Variants in DRC7 observed in about 807,000 individuals in gnomAD.
The protein encoded by DRC7 is dynein regulatory complex subunit 7.
In DRC7, 80 loss-of-function variants were observed where a neutral mutation model predicts 104.4. The ratio of observed to expected loss-of-function variants is 0.77; its 90% CI spans 0.64 to 0.92. The LOEUF (loss-of-function observed/expected upper bound fraction) is 0.92. Among genes scored for constraint, DRC7 ranks in the 40% least tolerant of loss-of-function variants. DRC7 has a pLI of 0.00. For synonymous variants in DRC7, 405 were observed against 447.3 expected (o/e 0.91, Z 1.19); for missense variants, 1,034 against 1,141.1 (o/e 0.91, Z 1.35).
At chr16:57,725,747 A>G (rs377371861) in intron 13 of DRC7, 26 of 311,716 alleles carry the variant, frequency 8.3e-5, no homozygotes, top group African/African-American at 5.5e-4. Context: ...CATGCCAAAG[A>G]AGCTCTTTCT....
chr16:57,724,653 G>C lies in DRC7; in HGVS notation c.1576G>C (p.Val526Leu). ...GTCCATGCAACCTGAGATGGACCGTGTCATTGAGTTTTATGAAACGGCCCG... is the reference window on the plus strand; with the variant it reads ...GTCCATGCAACCTGAGATGGACCGTCTCATTGAGTTTTATGAAACGGCCCG... ...YKSMQPEMDR[V>L]IEFYETARVD... The change falls in exon 13 of 19, where the codon GTC becomes CTC. Residue 526 changes from valine to leucine, a missense_variant. Transcript: ENST00000360716. 6.2e-7 allele frequency: 1 copy of C among 1,613,890 alleles called. No individual in the cohort carries two copies. The highest frequency in any genetic ancestry group is 8.5e-7 in the Non-Finnish European group (1 of 1,179,966).
Position 57,727,371 on chromosome 16 carries a change from A to T in DRC7, c.2158A>T (p.Lys720Ter). Reference protein sequence around the residue: ...HTLTISIYDTKRNEKSKEYRE... With the variant: ...HTLTISIYDT ...ACTGACCATCTCCATCTATGACACC[A>T]AGCGGAATGAGAAGAGCAAGGAATA... is the stretch of plus-strand genomic sequence containing the variant. Residue 720 changes from lysine to a stop codon, truncating the protein, a stop_gained, in exon 16 of 19, where the codon AAG becomes TAG. Transcript: ENST00000360716. LOFTEE classifies it high-confidence loss of function. The T allele has an allele frequency of 6.2e-7, 1 of 1,613,398 alleles. No homozygotes were observed. The highest frequency in any genetic ancestry group is 8.5e-7 in the Non-Finnish European group (1 of 1,179,846).
rs115507227 is a variant in DRC7, at chr16:57,731,025, C to G, written c.2486C>G (p.Ser829Cys). 2,851 of 1,613,702 alleles carry G rather than the reference C, an allele frequency of 1.8e-3. 32 individuals are homozygous for G. The African/African-American group carries it at 0.025, about 14-fold the overall frequency. ...EDEDLYLSYC[S>C]QAMFRIRILE... ...GAAGACCTGTACCTGAGTTACTGCT[C>G]TCAGGCCATGTTCCGCATCCGCATC... The change falls in exon 18 of 19, where the codon TCT (serine) becomes TGT (cysteine). Residue 829 changes from serine (S) to cysteine (C), a missense_variant. Coordinates refer to ENST00000360716, the MANE Select transcript of DRC7 (RefSeq NM_001289162.2).
Position 57,694,829 on chromosome 16 carries a change from C to CATCTGT in DRC7, c.-192_-191insATCTGT, listed in dbSNP as rs2048574995. On this transcript the variant is annotated 5_prime_UTR_variant, in exon 1 of 19. Coordinates refer to ENST00000360716, the MANE Select transcript of DRC7 (RefSeq NM_001289162.2). Reference sequence around the variant, plus strand: ...TTGTTACCATGGAGATGGCTAACAGCTAGAGCAGGCTGTCCTCGGAGGGGT... The same window carrying CATCTGT: ...TTGTTACCATGGAGATGGCTAACAGCATCTGTTAGAGCAGGCTGTCCTCGGAGGGGT... 6.6e-6 allele frequency: 1 copy of CATCTGT among 152,146 alleles called. No individual in the cohort carries two copies. Among genetic ancestry groups the CATCTGT allele is most frequent in the Non-Finnish European group, 1.5e-5 (1 of 68,048 alleles). 9.4% of individuals were successfully genotyped at this position (152,146 alleles called of 1,614,324 possible).
chr16:57,721,888 C>G (rs1253946268), intron 10 of DRC7, 149 bp downstream of exon 10: 1 of 614,426 alleles, frequency 1.6e-6, no homozygotes, highest in Admixed American at 2.8e-5. Context: ...CCCTCCCTCC[C>G]TCCCTCCCCC....
chr16:57,707,456 G>T lies in DRC7; in HGVS notation c.859-4G>T, dbSNP rs2048743795. The stretch of plus-strand genomic sequence containing the variant: ...ACTCGTAGTCACCCACCTTTCCTTG[G>T]CAGGAAGCGGAGAAGGCAAAGCCGG... On this transcript the variant is annotated splice_region_variant and splice_polypyrimidine_tract_variant and intron_variant, in intron 7 of 18. Coordinates refer to ENST00000360716, the MANE Select transcript of DRC7 (RefSeq NM_001289162.2). 1 of 1,609,154 alleles carries T rather than the reference G, an allele frequency of 6.2e-7. No homozygotes were observed.
intron 8 of DRC7, among the ~76,000 whole-genome samples, chr16:57,710,241 T>A (rs1194017777): frequency 2.0e-5 from 3 of 152,236 alleles, no homozygotes; most frequent in Non-Finnish European, 4.4e-5. Context: ...TTCTTGCACA[T>A]CTTTTGTCAG....
Position 57,731,580 on chromosome 16 carries a change from T to A in DRC7, c.*322T>A. The A allele has an allele frequency of 5.3e-6, 2 of 380,512 alleles. No individual in the cohort carries two copies. The highest frequency in any genetic ancestry group is 9.7e-6 in the Non-Finnish European group (2 of 205,642). 23.6% of individuals were successfully genotyped at this position (380,512 alleles called of 1,614,324 possible). A position where few individuals can be genotyped will look rare whatever the true frequency, so the allele number is the denominator to read the frequency against. Reference sequence around the variant, plus strand: ...CTTCCTGTCCTTCTCTCCGTTGGAATGTCAGGTCTTCACAGCACCTCTGCA... The same window carrying A: ...CTTCCTGTCCTTCTCTCCGTTGGAAAGTCAGGTCTTCACAGCACCTCTGCA... On this transcript the variant is annotated 3_prime_UTR_variant, in exon 19 of 19. Coordinates refer to ENST00000360716, the MANE Select transcript of DRC7 (RefSeq NM_001289162.2).
chr16:57,725,553 A>T (rs1204465958), intron 13 of DRC7: 1 of 156,706 alleles, frequency 6.4e-6, no homozygotes, highest in East Asian at 1.9e-4. Context: ...AAAAGTAAAC[A>T]TATCTCAGAA....
chr16:57,700,240 C>A lies in DRC7; in HGVS notation c.474C>A (p.Thr158=). 1 of 1,613,974 alleles carries A rather than the reference C, an allele frequency of 6.2e-7. No individual in the cohort carries two copies. Among genetic ancestry groups the A allele is most frequent in the Non-Finnish European group, 8.5e-7 (1 of 1,179,936 alleles). ...SCAQFVSDFL[T]MVPLPDPLKP... ...CCCAGTTTGTCTCCGACTTCCTCAC[C>A]ATGGTGCCCCTGCCTGACCCTCTCA... Residue 158 remains threonine (T), a synonymous_variant, in exon 5 of 19, where the codon ACC becomes ACA. Coordinates refer to ENST00000360716, the MANE Select transcript of DRC7 (RefSeq NM_001289162.2).
At chr16:57,720,475 G>A (rs374890462) in intron 9 of DRC7, among the ~76,000 whole-genome samples, 205 of 152,324 alleles carry the variant, frequency 1.3e-3, no homozygotes, top group African/African-American at 4.4e-3. Flanking sequence ...ACCAGCCAGG[G>A]CCTGAGAGCC....
At position 57,704,879 on chromosome 16, in the gene DRC7, A is replaced by T; in HGVS notation, c.703A>T (p.Ile235Phe). 6.2e-7 allele frequency: 1 copy of T among 1,613,458 alleles called. No homozygotes were observed. Among genetic ancestry groups the T allele is most frequent in the Non-Finnish European group, 8.5e-7 (1 of 1,179,722 alleles). Reference protein sequence around the residue: ...CPLTVKPKETIKKEEKVLPKK... With the variant: ...CPLTVKPKETFKKEEKVLPKK... ...TTCCTCTTCTTTTGGGTGACAGACC[A>T]TCAAGAAGGAGGAAAAGGTGCTGCC... Residue 235 changes from isoleucine to phenylalanine, a missense_variant, in exon 7 of 19, where the codon ATC (isoleucine) becomes TTC (phenylalanine). Coordinates refer to ENST00000360716, the MANE Select transcript of DRC7 (RefSeq NM_001289162.2).
chr16:57,701,849 C>A, intron 5 of DRC7, 87 bp from the exon 6 acceptor site: 3 of 1,231,996 alleles, frequency 2.4e-6, no homozygotes, highest in Non-Finnish European at 3.5e-6. Context: ...TGGCTCCCCA[C>A]CCTGACAGGT....
intron 8 of DRC7, chr16:57,713,965 G>A: frequency 5.0e-6 from 1 of 201,388 alleles, no homozygotes; most frequent in Admixed American, 4.9e-5. Flanking sequence ...GGGAGGTGCA[G>A]GTTGTTCACA....
chr16:57,699,730 C>G (rs2048637175), intron 4 of DRC7, among the ~76,000 whole-genome samples: 1 of 152,096 alleles, frequency 6.6e-6, no homozygotes, highest in African/African-American at 2.4e-5. Flanking sequence ...CCCAGGAACC[C>G]CAGGAAACAG....
chr16:57,706,630 CCTCCCATCCATT>C (rs2048734157), intron 7 of DRC7, among the ~76,000 whole-genome samples: 1 of 112,372 alleles, frequency 8.9e-6, no homozygotes, highest in Non-Finnish European at 1.9e-5. Flanking sequence ...ATCCGTCCAT[CCTCCCATCCATT>C]CTCCCATCCA....
At chr16:57,727,910 T>C (rs1334911382) in intron 16 of DRC7, among the ~76,000 whole-genome samples, 2 of 152,196 alleles carry the variant, frequency 1.3e-5, no homozygotes, top group Non-Finnish European at 2.9e-5. Context: ...AGATGACTGT[T>C]CTCAGATCCC....
intron 1 of DRC7, 45 bp downstream of exon 1, chr16:57,694,897 C>G (rs573252139): frequency 6.6e-6 from 1 of 152,314 alleles, no homozygotes; most frequent in African/African-American, 2.4e-5. Flanking sequence ...CCCTGTCTGG[C>G]AGGGAAAGGG....
chr16:57,698,518 C>CT (rs11076200), intron 3 of DRC7, among the ~76,000 whole-genome samples: 4,567 of 151,856 alleles, frequency 0.03, 216 homozygotes, highest in African/African-American at 0.1. Flanking sequence ...AAGACCCCCC[C>CT]ACCCATGTCT....
Sources: allele counts gnomAD v4.1 joint callset (sites outside exome capture counted in the v4.1 genomes callset), GRCh38; gene constraint gnomAD v4.1.1; transcripts MANE v1.5; gene names NCBI Gene and HGNC (gene_info 2026-07-23, HGNC 2026-07-21).